SLC31A1: variants seen among roughly 807,000 people sequenced by gnomAD.
SLC31A1 encodes the protein high affinity copper uptake protein 1.
SLC31A1 carries 5 observed loss-of-function variants against 17.2 expected under a neutral mutation model. The observed-to-expected ratio is 0.29, with a 90% CI of 0.15 to 0.61. SLC31A1 has a LOEUF of 0.61. Ranked by LOEUF, SLC31A1 falls within the 20% of genes least tolerant of loss-of-function variation. The pLI is 0.86. For synonymous variants in SLC31A1, 76 were observed against 78.8 expected, an observed-to-expected ratio of 0.96 and a Z score of 0.19; for missense variants, 161 against 241.4, an observed-to-expected ratio of 0.67 and a Z score of 2.21.
chr9:113,238,399 C>T (rs941316102), intron 1 of SLC31A1, among the ~76,000 whole-genome samples: 3 of 152,158 alleles, frequency 2.0e-5, no homozygotes, highest in South Asian at 2.1e-4. Flanking sequence ...GTGATAGAGT[C>T]GGAACCAGAA....
chr9:113,258,409 C>T lies in SLC31A1; in HGVS notation c.203-285C>T, dbSNP rs1831752163. Reference sequence around the variant, plus strand: ...TTCTACATTGTGTGTTTCAGTGTAACAAACCTAATTTAATGATATCAAGCA... The same window carrying T: ...TTCTACATTGTGTGTTTCAGTGTAATAAACCTAATTTAATGATATCAAGCA... On this transcript the variant is annotated intron_variant, in intron 3 of 4. Transcript: ENST00000374212. The surrounding 1 kb of genome is among the most constrained non-coding windows in gnomAD (Gnocchi z 4.8). Among the ~76,000 whole-genome samples, 1 of 152,142 alleles carries T rather than the reference C, an allele frequency of 6.6e-6. No homozygotes were observed. The highest frequency in any genetic ancestry group is 2.4e-5 in the African/African-American group (1 of 41,422).
At chr9:113,256,495 G>T in intron 2 of SLC31A1, 16 of 472,978 alleles carry the variant, frequency 3.4e-5, no homozygotes, top group Non-Finnish European at 4.9e-5. Context: ...TCTTTCTTTG[G>T]TGGTCCCTTC....
chr9:113,240,109 T>C (rs1831506193), intron 1 of SLC31A1, among the ~76,000 whole-genome samples: 1 of 152,216 alleles, frequency 6.6e-6, no homozygotes, highest in African/African-American at 2.4e-5. Flanking sequence ...CTGTCCTCCA[T>C]CTAAATTAGT....
At chr9:113,227,971 T>C (rs1462625289) in intron 1 of SLC31A1, among the ~76,000 whole-genome samples, 1 of 152,250 alleles carries the variant, frequency 6.6e-6, no homozygotes, top group Non-Finnish European at 1.5e-5. Context: ...TGTCATCTAA[T>C]GAGCAAGCAA....
At chr9:113,249,201 T>C (rs1831618258) in intron 1 of SLC31A1, among the ~76,000 whole-genome samples, 1 of 151,872 alleles carries the variant, frequency 6.6e-6, no homozygotes, top group African/African-American at 2.4e-5. Flanking sequence ...CACTCCGTTA[T>C]TCTAATGCAA....
intron 1 of SLC31A1, among the ~76,000 whole-genome samples, chr9:113,255,613 G>A (rs182179410): frequency 3.3e-4 from 50 of 152,178 alleles, no homozygotes; most frequent in Non-Finnish European, 6.8e-4. Flanking sequence ...CTACTCAGGA[G>A]GCTGAGGTTG....
chr9:113,247,104 G>A (rs1831589467), intron 1 of SLC31A1, among the ~76,000 whole-genome samples: 1 of 152,110 alleles, frequency 6.6e-6, no homozygotes, highest in Middle Eastern at 3.2e-3. Context: ...CCCTGTTTAT[G>A]GTAGTGTACT....
chr9:113,226,299 G>A (rs550093388), intron 1 of SLC31A1, among the ~76,000 whole-genome samples: 1 of 152,036 alleles, frequency 6.6e-6, no homozygotes, highest in East Asian at 1.9e-4. Context: ...AGGGGTAGGG[G>A]GTTCCTGATG....
chr9:113,255,348 G>A (rs1040252921), intron 1 of SLC31A1, among the ~76,000 whole-genome samples: 2 of 152,132 alleles, frequency 1.3e-5, no homozygotes, highest in Non-Finnish European at 2.9e-5. Context: ...CCTGTTTCCT[G>A]CAACCCAAAG....
rs149878964 is a variant in SLC31A1, at chr9:113,224,554, G to T, written c.-36+2876G>T. On this transcript the variant is annotated intron_variant, in intron 1 of 4. Coordinates refer to ENST00000374212, the MANE Select transcript of SLC31A1 (RefSeq NM_001859.4). ...AGCGATTCTCCAGCCTCACCCTCCC[G>T]AGTAGCTGGGATTACAGGCATGTGC... Among the ~76,000 whole-genome samples, 149 of 151,690 alleles carry T rather than the reference G, an allele frequency of 9.8e-4. 4 individuals are homozygous for T. In the East Asian group the frequency reaches 0.027, roughly 27 times the overall value.
chr9:113,249,355 T>C (rs1332795887), intron 1 of SLC31A1, among the ~76,000 whole-genome samples: 1 of 150,566 alleles, frequency 6.6e-6, no homozygotes, highest in African/African-American at 2.4e-5. Flanking sequence ...AATCTTTCTT[T>C]GTTTTTTTTT....
chr9:113,241,811 A>C (rs1396799988), intron 1 of SLC31A1, among the ~76,000 whole-genome samples: 2 of 152,218 alleles, frequency 1.3e-5, no homozygotes, highest in African/African-American at 4.8e-5. Context: ...TGTTTCTCCT[A>C]CCATTTCTCA....
rs1387672972 is a variant in SLC31A1, at chr9:113,264,471, A to G, written c.*3998A>G. The G allele has an allele frequency of 6.6e-6, 1 of 152,576 alleles. No homozygotes were observed. Among genetic ancestry groups the G allele is most frequent in the Non-Finnish European group, 1.5e-5 (1 of 68,030 alleles). 9.5% of individuals were successfully genotyped at this position (152,576 alleles called of 1,614,324 possible). A position where few individuals can be genotyped will look rare whatever the true frequency, so the allele number is the denominator to read the frequency against. On this transcript the variant is annotated 3_prime_UTR_variant, in exon 5 of 5. Coordinates refer to ENST00000374212, the MANE Select transcript of SLC31A1 (RefSeq NM_001859.4). ...TGTCATATGAAAAAGAACAAAATAAATATTTTGATTTTGTGATTCTATGCA... is the reference window on the plus strand; with the variant it reads ...TGTCATATGAAAAAGAACAAAATAAGTATTTTGATTTTGTGATTCTATGCA...
rs1270207007 is a variant in SLC31A1, at chr9:113,258,319, A to G, written c.203-375A>G. On this transcript the variant is annotated intron_variant, in intron 3 of 4. Transcript: ENST00000374212. The surrounding 1 kb of genome is among the most constrained non-coding windows in gnomAD (Gnocchi z 4.8). ...CACAGTGTGAAAGACTTAGAATTGA[A>G]ATGCCTATTCAGGAAATGTAGTCAG... Among the ~76,000 whole-genome samples, 1 of 152,212 alleles carries G rather than the reference A, an allele frequency of 6.6e-6. No homozygotes were observed. The highest frequency in any genetic ancestry group is 1.5e-5 in the Non-Finnish European group (1 of 68,046).
intron 1 of SLC31A1, among the ~76,000 whole-genome samples, chr9:113,251,313 T>A (rs1254782953): frequency 6.6e-6 from 1 of 151,932 alleles, no homozygotes; most frequent in African/African-American, 2.4e-5. Flanking sequence ...TCCCAGCTAC[T>A]AGGGAGGCTG....
intron 1 of SLC31A1, among the ~76,000 whole-genome samples, chr9:113,237,281 G>A (rs531719926): frequency 6.6e-6 from 1 of 152,160 alleles, no homozygotes; most frequent in Admixed American, 6.5e-5. Flanking sequence ...GCTCTGGAGG[G>A]GGGTAACGAT....
At chr9:113,259,406 C>G (rs1446400919) in intron 4 of SLC31A1, among the ~76,000 whole-genome samples, 3 of 151,960 alleles carry the variant, frequency 2.0e-5, no homozygotes, top group Non-Finnish European at 4.4e-5. Flanking sequence ...AGACTGATAT[C>G]CTGCTTTCAA....
chr9:113,256,513 G>A lies in SLC31A1; in HGVS notation c.129+236G>A, dbSNP rs1370822143. ...TTCTTTGGTGGTCCCTTCTGAAATC[G>A]ACTCTTTTCTGAATTAGGGGTTCTG... On this transcript the variant is annotated intron_variant, in intron 2 of 4. Transcript: ENST00000374212. The A allele has an allele frequency of 1.2e-5, 5 of 424,764 alleles. No homozygotes were observed. In the East Asian group the frequency reaches 1.3e-4, roughly 11 times the overall value. 26.3% of individuals were successfully genotyped at this position (424,764 alleles called of 1,614,324 possible).
chr9:113,238,124 T>C (rs1018533475), intron 1 of SLC31A1, among the ~76,000 whole-genome samples: 2 of 152,214 alleles, frequency 1.3e-5, no homozygotes, highest in African/African-American at 4.8e-5. Flanking sequence ...TCTCCATGTT[T>C]CCATGAGTTT....
Sources: gnomAD v4.1 joint callset for allele counts (sites outside exome capture counted in the v4.1 genomes callset) on GRCh38, gnomAD v4.1.1 for gene constraint, Gnocchi (gnomAD v3.1) non-coding constraint, MANE v1.5 for transcripts, NCBI Gene and HGNC (gene_info 2026-07-23, HGNC 2026-07-21) for gene names.